The following COL5A1 variants were observed in gnomAD, a reference collection of about 807,000 sequenced individuals.
COL5A1 encodes collagen alpha-1(V) chain.
Under a neutral mutation model 263.7 loss-of-function variants are expected in COL5A1, and 16 were observed. The ratio of observed to expected loss-of-function variants is 0.06; its 90% CI spans 0.04 to 0.09. The LOEUF (loss-of-function observed/expected upper bound fraction) is 0.09. Among genes scored for constraint, COL5A1 ranks in the 10% least tolerant of loss-of-function variants. COL5A1 has a pLI of 1.00. For synonymous variants in COL5A1, 1,012 were observed against 1,004.5 expected, an observed-to-expected ratio of 1.01 and a Z score of -0.14; for missense variants, 2,036 against 2,540.5, an observed-to-expected ratio of 0.80 and a Z score of 4.27.
Position 134,734,426 on chromosome 9 carries a change from C to G in COL5A1, c.1389+2299C>G, listed in dbSNP as rs563767321. On this transcript the variant is annotated intron_variant, in intron 9 of 65. Transcript: ENST00000371817. ...CTTTGGCCAGGCCCCCTGCAGAGAT[C>G]ACATAAACAGTTGGAATTTCTCAAC... Among the ~76,000 whole-genome samples, 10 of 152,356 alleles carry G rather than the reference C, an allele frequency of 6.6e-5. No individual in the cohort carries two copies. The South Asian group carries it at 2.1e-3, about 32-fold the overall frequency.
intron 11 of COL5A1, among the ~76,000 whole-genome samples, chr9:134,745,534 G>T (rs1835479110): frequency 6.6e-6 from 1 of 152,136 alleles, no homozygotes; most frequent in Non-Finnish European, 1.5e-5. Flanking sequence ...TGGATTTTCT[G>T]GTTGTTAGTT....
chr9:134,804,897 C>T lies in COL5A1; in HGVS notation c.3115-78C>T, dbSNP rs946686396. 55 of 1,271,142 alleles carry T rather than the reference C, an allele frequency of 4.3e-5. 1 individual carries two copies. The African/African-American group carries it at 6.8e-4, about 16-fold the overall frequency. 78.7% of individuals were successfully genotyped at this position (1,271,142 alleles called of 1,614,324 possible). A position where few individuals can be genotyped will look rare whatever the true frequency, so the allele number is the denominator to read the frequency against. Reference sequence around the variant, plus strand: ...CTGGCTCCAAGAGAGAAGGCCCCAGCCCTTGGCTTCGCTCTGGGGCTGGTG... The same window carrying T: ...CTGGCTCCAAGAGAGAAGGCCCCAGTCCTTGGCTTCGCTCTGGGGCTGGTG... On this transcript the variant is annotated intron_variant, in intron 39 of 65. Transcript: ENST00000371817.
chr9:134,753,766 G>GCCCCACCCCAGCCCCC, intron 14 of COL5A1, 84 bp from the exon 15 acceptor site: 1 of 615,312 alleles, frequency 1.6e-6, no homozygotes, highest in Non-Finnish European at 3.0e-6. Context: ...CCCTCCCCCT[G>GCCCCACCCCAGCCCCC]CCCCTCCCCT....
chr9:134,759,600 C>CCA (rs143972598), intron 18 of COL5A1, among the ~76,000 whole-genome samples: 1,956 of 104,348 alleles, frequency 0.019, 281 homozygotes, highest in African/African-American at 0.068. Context: ...GCATACACCC[C>CCA]CACACCCCCA....
intron 1 of COL5A1, among the ~76,000 whole-genome samples, chr9:134,670,910 AC>A (rs575808607): frequency 9.7e-4 from 148 of 152,140 alleles, no homozygotes; most frequent in African/African-American, 2.7e-3. Flanking sequence ...GCTGCACTAA[AC>A]GCATGTGCCT....
chr9:134,724,872 T>C (rs1006861372), intron 4 of COL5A1, among the ~76,000 whole-genome samples: 1 of 146,282 alleles, frequency 6.8e-6, no homozygotes, highest in Admixed American at 6.8e-5. Flanking sequence ...CAGGCTCAGG[T>C]GAACCAGGCT....
chr9:134,767,752 A>G (rs1836728687), intron 24 of COL5A1, among the ~76,000 whole-genome samples: 1 of 152,202 alleles, frequency 6.6e-6, no homozygotes, highest in Admixed American at 6.5e-5. Context: ...TCCAGAGCCT[A>G]CTGTGTCCTA....
At chr9:134,790,350 C>T (rs999485137) in intron 32 of COL5A1, among the ~76,000 whole-genome samples, 4 of 148,516 alleles carry the variant, frequency 2.7e-5, no homozygotes, top group Non-Finnish European at 6.0e-5. Context: ...ACCCACCCAC[C>T]AACCCATCCA....
In COL5A1 at chr9:134,691,083, A is replaced by G; in HGVS notation, c.277+4A>G. On this transcript the variant is annotated splice_donor_region_variant and intron_variant, in intron 2 of 65. Coordinates refer to ENST00000371817, the MANE Select transcript of COL5A1 (RefSeq NM_000093.5). ...CCCACCAAGCAGCTGTACCCTGGTA[A>G]GTGCCGCACCCTTCTGTTTGGGGCG... 1 of 1,612,864 alleles carries G rather than the reference A, an allele frequency of 6.2e-7. No homozygotes were observed. Among genetic ancestry groups the G allele is most frequent in the Non-Finnish European group, 8.5e-7 (1 of 1,180,036 alleles).
chr9:134,814,933 C>A (rs1206111795), intron 50 of COL5A1, 29 bp downstream of exon 50: 1 of 1,493,318 alleles, frequency 6.7e-7, no homozygotes, highest in South Asian at 1.2e-5. Flanking sequence ...CCTCAGGGGC[C>A]CTGCAGCAGG....
intron 37 of COL5A1, among the ~76,000 whole-genome samples, chr9:134,799,114 CAG>C (rs1285102017): frequency 6.6e-6 from 1 of 152,204 alleles, no homozygotes; most frequent in Admixed American, 6.5e-5. Context: ...TCTTTGTAGT[CAG>C]AGACTCCCCT....
At position 134,767,040 on chromosome 9, in the gene COL5A1, A is replaced by G. The variant is rs142612655; in HGVS notation, c.2174A>G (p.Asn725Ser). The change falls in exon 23 of 66, where the codon AAT becomes AGT. Residue 725 changes from asparagine to serine, a missense_variant. This residue lies in a region of COL5A1 where 1,078 missense variants were observed against 1,521.4 expected (regional missense o/e 0.71). Coordinates refer to ENST00000371817, the MANE Select transcript of COL5A1 (RefSeq NM_000093.5). ...CCTGGCCCCCCAGGACAGCAGGGTAATCCAGGCGCCCAGGTAAGTGAGCCT... is the reference window on the plus strand; with the variant it reads ...CCTGGCCCCCCAGGACAGCAGGGTAGTCCAGGCGCCCAGGTAAGTGAGCCT... The part of the protein sequence containing the change: ...GEPGPPGQQG[N>S]PGAQGLPGPQ... 29 of 1,613,456 alleles carry G rather than the reference A, an allele frequency of 1.8e-5. No individual in the cohort carries two copies. The highest frequency in any genetic ancestry group is 2.4e-5 in the Non-Finnish European group (28 of 1,179,946).
chr9:134,803,008 A>C lies in COL5A1; in HGVS notation c.3114+13A>C. The C allele has an allele frequency of 1.9e-6, 3 of 1,577,264 alleles. No individual in the cohort carries two copies. The highest frequency in any genetic ancestry group is 2.6e-6 in the Non-Finnish European group (3 of 1,158,226). ...AGAAGGGACGAAGGTGAGTTTCTGG[A>C]GCCTTCTGTGTCAGCTCAGGCGTTT... On this transcript the variant is annotated intron_variant, in intron 39 of 65. Coordinates refer to ENST00000371817, the MANE Select transcript of COL5A1 (RefSeq NM_000093.5).
Position 134,842,317 on chromosome 9 carries a change from CG to C in COL5A1, c.*17del, listed in dbSNP as rs1423448727. The C allele has an allele frequency of 6.2e-7, 1 of 1,613,716 alleles. No homozygotes were observed. Among genetic ancestry groups the C allele is most frequent in the African/African-American group, 1.3e-5 (1 of 74,932 alleles). ...TTCATGGGCTAGGAGCCGCCGAGCC[CG>C]GGCTCCCGAGAGCAACCTCGTGACC... On this transcript the variant is annotated 3_prime_UTR_variant, in exon 66 of 66. Transcript: ENST00000371817. This position sits in a 1 kb window ranked among gnomAD's most constrained non-coding sequence, Gnocchi z 5.8.
rs1002879215 is a variant in COL5A1, at chr9:134,681,496, G to A, written c.110-9416G>A. Among the ~76,000 whole-genome samples, 5 of 152,226 alleles carry A rather than the reference G, an allele frequency of 3.3e-5. No individual in the cohort carries two copies. The highest frequency in any genetic ancestry group is 7.3e-5 in the Non-Finnish European group (5 of 68,044). ...TGGTTCCAGTGATGGGGCCACGGGT[G>A]GGACCGGAATGGAGGCTGCCAGCTG... On this transcript the variant is annotated intron_variant, in intron 1 of 65. Coordinates refer to ENST00000371817, the MANE Select transcript of COL5A1 (RefSeq NM_000093.5). This position sits in a 1 kb window ranked among gnomAD's most constrained non-coding sequence, Gnocchi z 4.3.
intron 50 of COL5A1, 71 bp downstream of exon 50, chr9:134,814,975 C>G: frequency 1.8e-6 from 2 of 1,087,706 alleles, no homozygotes; most frequent in Admixed American, 4.3e-5. Flanking sequence ...CATTCTGACT[C>G]ACTGGCGGTG....
intron 4 of COL5A1, among the ~76,000 whole-genome samples, chr9:134,711,208 G>C (rs1834033609): frequency 6.6e-6 from 1 of 152,108 alleles, no homozygotes; most frequent in Non-Finnish European, 1.5e-5. Flanking sequence ...CGGAGGCCAG[G>C]TTGGCTCTGT....
intron 1 of COL5A1, among the ~76,000 whole-genome samples, chr9:134,662,786 T>C (rs1832249043): frequency 6.6e-6 from 1 of 152,212 alleles, no homozygotes; most frequent in South Asian, 2.1e-4. Context: ...TGAAACCCTC[T>C]GGGCTGCAAA....
chr9:134,764,267 G>A (rs1167564891), intron 20 of COL5A1, among the ~76,000 whole-genome samples: 2 of 127,074 alleles, frequency 1.6e-5, no homozygotes, highest in African/African-American at 6.0e-5. Flanking sequence ...GGGTCCGAGG[G>A]CATTGTGGGG....
Sources: allele counts gnomAD v4.1 joint callset (sites outside exome capture counted in the v4.1 genomes callset), GRCh38; gene constraint gnomAD v4.1.1; regional missense constraint gnomAD v4.1.1; non-coding constraint Gnocchi (gnomAD v3.1); transcripts MANE v1.5; gene names NCBI Gene and HGNC (gene_info 2026-07-23, HGNC 2026-07-21).